Variants in ASIC2 observed in about 807,000 individuals in gnomAD.
ASIC2 encodes the protein acid-sensing ion channel 2.
ASIC2 carries 25 observed loss-of-function variants against 57.3 expected under a neutral mutation model. That is an observed-to-expected ratio of 0.44 (90% CI 0.32 to 0.61). The LOEUF (loss-of-function observed/expected upper bound fraction) is 0.61, where lower values mean the gene tolerates loss of function less well. Among genes scored for constraint, ASIC2 ranks in the 20% least tolerant of loss-of-function variants. ASIC2 has a pLI of 0.06. For synonymous variants in ASIC2, 319 were observed against 307.5 expected, an observed-to-expected ratio of 1.04 and a Z score of -0.39; for missense variants, 641 against 738.1, an observed-to-expected ratio of 0.87 and a Z score of 1.52.
chr17:33,859,231 C>T (rs905377564), intron 1 of ASIC2, among the ~76,000 whole-genome samples: 2 of 152,052 alleles, frequency 1.3e-5, no homozygotes, highest in Non-Finnish European at 2.9e-5. Context: ...ATAACATGTC[C>T]AAGTTCAAAA....
In ASIC2 at chr17:33,552,388, C is replaced by T. The variant is rs7503599; in HGVS notation, c.556-440321G>A. 4.2e-3 allele frequency among the ~76,000 whole-genome samples: 637 copies of T among 152,286 alleles called. 4 individuals are homozygous for T. The highest frequency in any genetic ancestry group is 0.015 in the African/African-American group (614 of 41,556). Reference sequence around the variant, plus strand: ...ACTGATAGAATCAATACAATCTTCCCTCAGTAACACAAAAGACCTTTGCCA... The same window carrying T: ...ACTGATAGAATCAATACAATCTTCCTTCAGTAACACAAAAGACCTTTGCCA... On this transcript the variant is annotated intron_variant, in intron 1 of 9. Transcript: ENST00000359872.
At chr17:33,528,873 T>C (rs1914966991) in intron 1 of ASIC2, among the ~76,000 whole-genome samples, 1 of 152,322 alleles carries the variant, frequency 6.6e-6, no homozygotes, top group South Asian at 2.1e-4. Flanking sequence ...AATAGCCACC[T>C]TGTGAATTCC....
intron 1 of ASIC2, among the ~76,000 whole-genome samples, chr17:33,425,226 A>G (rs755430145): frequency 2.0e-5 from 3 of 152,224 alleles, no homozygotes; most frequent in Non-Finnish European, 4.4e-5. Context: ...TGTTTTGTGC[A>G]TTGTCTTGCT....
intron 1 of ASIC2, among the ~76,000 whole-genome samples, chr17:33,198,956 G>A (rs889555041): frequency 6.6e-6 from 1 of 152,142 alleles, no homozygotes; most frequent in Non-Finnish European, 1.5e-5. Flanking sequence ...TTGCTCTTTT[G>A]ATTTAACCTT....
At chr17:33,177,107 A>C (rs190424191) in intron 1 of ASIC2, among the ~76,000 whole-genome samples, 1 of 152,136 alleles carries the variant, frequency 6.6e-6, no homozygotes, top group African/African-American at 2.4e-5. Flanking sequence ...TAGAGTAATA[A>C]TGGGGCTAAT....
At chr17:33,673,401 T>C (rs1187494156) in intron 1 of ASIC2, among the ~76,000 whole-genome samples, 1 of 152,172 alleles carries the variant, frequency 6.6e-6, no homozygotes, top group Non-Finnish European at 1.5e-5. Context: ...GCACACACTG[T>C]TTTATCTAAC....
intron 1 of ASIC2, among the ~76,000 whole-genome samples, chr17:34,143,617 T>G (rs1157484474): frequency 6.6e-6 from 1 of 152,222 alleles, no homozygotes; most frequent in Non-Finnish European, 1.5e-5. Context: ...TTTTGATGAA[T>G]ATTCAGGTGG....
intron 1 of ASIC2, chr17:34,155,749 C>T: frequency 1.9e-6 from 1 of 530,604 alleles, no homozygotes; most frequent in Non-Finnish European, 3.3e-6. Context: ...CACCGCAAGC[C>T]CCCCACTCAC....
At position 34,033,036 on chromosome 17, in the gene ASIC2, T is replaced by C. The variant is rs985312314; in HGVS notation, c.555+122942A>G. ...GACCTTGTAGACATCTACAGAACTC[T>C]CCACCCCAAATCAACAGAATATACA... is the stretch of plus-strand genomic sequence containing the variant. On this transcript the variant is annotated intron_variant, in intron 1 of 9. Coordinates refer to the ASIC2 transcript ENST00000359872. Among the ~76,000 whole-genome samples, 27 of 152,244 alleles carry C rather than the reference T, an allele frequency of 1.8e-4. 1 individual carries two copies. Among genetic ancestry groups the C allele is most frequent in the Middle Eastern group, 3.4e-3 (1 of 294 alleles).
intron 1 of ASIC2, among the ~76,000 whole-genome samples, chr17:33,906,969 G>A (rs1004496196): frequency 6.6e-6 from 1 of 152,138 alleles, no homozygotes; most frequent in African/African-American, 2.4e-5. Context: ...CTTGGGCAGG[G>A]TCTCCTTTCA....
At chr17:33,819,544 C>T (rs1315293033) in intron 1 of ASIC2, among the ~76,000 whole-genome samples, 2 of 152,200 alleles carry the variant, frequency 1.3e-5, no homozygotes, top group Non-Finnish European at 2.9e-5. Context: ...AGGGCATACT[C>T]TAGAATTAAG....
intron 1 of ASIC2, among the ~76,000 whole-genome samples, chr17:33,595,912 G>T (rs1476115949): frequency 6.6e-6 from 1 of 152,166 alleles, no homozygotes; most frequent in East Asian, 1.9e-4. Context: ...TTATTTTCTG[G>T]AGCCTCTTCT....
chr17:33,431,142 G>C (rs190142478), intron 1 of ASIC2, among the ~76,000 whole-genome samples: 9 of 152,270 alleles, frequency 5.9e-5, no homozygotes, highest in Admixed American at 1.3e-4. Context: ...AACTGGGAAG[G>C]GGTCTGCCCA....
intron 1 of ASIC2, among the ~76,000 whole-genome samples, chr17:33,757,811 C>T (rs960980037): frequency 1.3e-5 from 2 of 152,218 alleles, no homozygotes; most frequent in Non-Finnish European, 2.9e-5. Flanking sequence ...TCCCACCCAA[C>T]TCTTGCCCCA....
At chr17:33,470,648 G>C (rs566863306) in intron 1 of ASIC2, among the ~76,000 whole-genome samples, 13 of 152,080 alleles carry the variant, frequency 8.5e-5, no homozygotes, top group Non-Finnish European at 1.5e-4. Context: ...GTTCTTGCTG[G>C]GATAGTGGGA....
At chr17:33,751,028 G>A (rs1400757913) in intron 1 of ASIC2, among the ~76,000 whole-genome samples, 1 of 152,166 alleles carries the variant, frequency 6.6e-6, no homozygotes, top group East Asian at 1.9e-4. Context: ...TTATGAAAAT[G>A]AAGGGAGATG....
intron 1 of ASIC2, chr17:33,533,457 T>A (rs997586478): frequency 1.3e-5 from 2 of 152,264 alleles, no homozygotes; most frequent in Non-Finnish European, 2.9e-5. Flanking sequence ...TACCTTTTTC[T>A]TCTTGCCTTT....
At chr17:33,932,866 C>A (rs149047409) in intron 1 of ASIC2, among the ~76,000 whole-genome samples, 189 of 150,652 alleles carry the variant, frequency 1.3e-3, no homozygotes, top group African/African-American at 4.2e-3. Flanking sequence ...GCAATGCTGT[C>A]CTAGAAGCAT....
At chr17:33,086,890 T>C (rs2092136032) in intron 3 of ASIC2, among the ~76,000 whole-genome samples, 1 of 152,070 alleles carries the variant, frequency 6.6e-6, no homozygotes, top group Admixed American at 6.6e-5. Flanking sequence ...TTCCTGTTTT[T>C]TATGATTTTT....
Sources: allele counts gnomAD v4.1 joint callset (sites outside exome capture counted in the v4.1 genomes callset), GRCh38; gene constraint gnomAD v4.1.1; transcripts MANE v1.5; gene names NCBI Gene and HGNC (gene_info 2026-07-23, HGNC 2026-07-21).